The following LIX1 variants were observed in gnomAD, a reference collection of about 807,000 sequenced individuals.
LIX1 encodes the protein protein limb expression 1 homolog.
LIX1 carries 24 observed loss-of-function variants against 33.4 expected under a neutral mutation model. The ratio of observed to expected loss-of-function variants is 0.72; its 90% CI spans 0.52 to 1.01. The LOEUF is 1.01. Ranked by LOEUF, LIX1 falls within the 50% of genes least tolerant of loss-of-function variation. The probability of loss-of-function intolerance (pLI) is 0.00; values close to 1 mark genes in which losing one functional copy is unlikely to be tolerated. For synonymous variants in LIX1, 124 were observed against 124.0 expected (o/e 1.00, Z 0.00); for missense variants, 311 against 339.2 (o/e 0.92, Z 0.65).
intron 2 of LIX1, among the ~76,000 whole-genome samples, chr5:97,110,067 T>C: frequency 6.6e-6 from 1 of 152,252 alleles, no homozygotes; most frequent in East Asian, 1.9e-4. Flanking sequence ...GTCTTTTTCA[T>C]ATAATGACAT....
At chr5:97,107,586 C>T in intron 2 of LIX1, 86 bp from the exon 3 acceptor site, 1 of 1,376,486 alleles carries the variant, frequency 7.3e-7, no homozygotes, top group Non-Finnish European at 1.0e-6. Flanking sequence ...CTGGACATTT[C>T]TATTTATACA....
In LIX1 at chr5:97,092,508, A is replaced by G. The variant is rs1219050628; in HGVS notation, c.*2240T>C. 1 of 152,406 alleles carries G rather than the reference A, an allele frequency of 6.6e-6. No homozygotes were observed. The highest frequency in any genetic ancestry group is 2.4e-5 in the African/African-American group (1 of 41,468). The allele number at this position is 152,406 out of a possible 1,614,324, so 9.4% of individuals were successfully genotyped here. On this transcript the variant is annotated 3_prime_UTR_variant, in exon 6 of 6. Coordinates refer to ENST00000274382, the MANE Select transcript of LIX1 (RefSeq NM_153234.5). ...TCTCAGCTGAAATTGATTTACTATC[A>G]AATCAGCATTAAAGGGACCAGCAAA...
At chr5:97,101,078 A>AAGGTGAGGCAGGTGAGGC (rs60353690) in intron 4 of LIX1, among the ~76,000 whole-genome samples, 1 of 151,762 alleles carries the variant, frequency 6.6e-6, no homozygotes, top group Non-Finnish European at 1.5e-5. Flanking sequence ...TTAGCCTCAT[A>AAGGTGAGGCAGGTGAGGC]AGGTGAGGCA....
At chr5:97,112,879 T>C (rs1208827884) in intron 2 of LIX1, among the ~76,000 whole-genome samples, 4 of 151,736 alleles carry the variant, frequency 2.6e-5, no homozygotes. Flanking sequence ...GTTTGTAAGA[T>C]TCCCCAGTGA....
intron 2 of LIX1, among the ~76,000 whole-genome samples, chr5:97,118,841 C>G (rs543722009): frequency 6.6e-6 from 1 of 151,674 alleles, no homozygotes; most frequent in Non-Finnish European, 1.5e-5. Flanking sequence ...CTCTCTCTCT[C>G]TCTTTCATTC....
In LIX1 at chr5:97,093,932, T is replaced by G. The variant is rs146632328; in HGVS notation, c.*816A>C. 2.6e-4 allele frequency: 40 copies of G among 152,502 alleles called. 2 individuals are homozygous for G. The East Asian group carries it at 6.9e-3, about 26-fold the overall frequency. 9.4% of individuals were successfully genotyped at this position (152,502 alleles called of 1,614,324 possible). A position where few individuals can be genotyped will look rare whatever the true frequency, so the allele number is the denominator to read the frequency against. ...TGCCATTAATTTTTCTCTCTGTAGA[T>G]ATATGTTTGCAGTGGCAAAAAATAA... On this transcript the variant is annotated 3_prime_UTR_variant, in exon 6 of 6. Transcript: ENST00000274382.
intron 1 of LIX1, among the ~76,000 whole-genome samples, chr5:97,132,813 G>C (rs906455196): frequency 6.6e-6 from 1 of 152,152 alleles, no homozygotes; most frequent in Non-Finnish European, 1.5e-5. Context: ...TGAGCCCAAG[G>C]TAGAACATTT....
intron 2 of LIX1, among the ~76,000 whole-genome samples, chr5:97,108,096 G>A (rs1287180764): frequency 1.3e-5 from 2 of 152,208 alleles, no homozygotes; most frequent in Admixed American, 1.3e-4. Flanking sequence ...GGAAATACCT[G>A]GCACACAGTA....
intron 4 of LIX1, among the ~76,000 whole-genome samples, chr5:97,104,123 G>A (rs191523224): frequency 2.0e-5 from 3 of 152,238 alleles, no homozygotes; most frequent in Admixed American, 2.0e-4. Flanking sequence ...TGCCATTGGG[G>A]TCAGGAAAGG....
intron 3 of LIX1, 53 bp from the exon 4 acceptor site, chr5:97,105,338 T>C: frequency 6.9e-7 from 1 of 1,448,434 alleles, no homozygotes. Flanking sequence ...TCCTCTTCTT[T>C]GAATGGTCAC....
chr5:97,136,777 C>A (rs536633428), intron 1 of LIX1, among the ~76,000 whole-genome samples: 1 of 151,924 alleles, frequency 6.6e-6, no homozygotes, highest in East Asian at 1.9e-4. Flanking sequence ...TCAAACATTT[C>A]ATGGACACTA....
intron 2 of LIX1, among the ~76,000 whole-genome samples, chr5:97,123,088 C>A (rs1747823821): frequency 6.6e-6 from 1 of 152,124 alleles, no homozygotes; most frequent in Non-Finnish European, 1.5e-5. Context: ...TCTTTCTGGG[C>A]AATGGGCTTT....
chr5:97,116,230 A>G (rs1580233012), intron 2 of LIX1, among the ~76,000 whole-genome samples: 2 of 152,332 alleles, frequency 1.3e-5, no homozygotes, highest in East Asian at 1.9e-4. Context: ...TGACCGAAGC[A>G]TGAACATTTG....
chr5:97,124,530 G>C lies in LIX1; in HGVS notation c.182C>G (p.Ala61Gly). 1 of 1,612,608 alleles carries C rather than the reference G, an allele frequency of 6.2e-7. No homozygotes were observed. The highest frequency in any genetic ancestry group is 8.5e-7 in the Non-Finnish European group (1 of 1,179,122). Residue 61 changes from alanine (A) to glycine (G), a missense_variant, in exon 2 of 6, where the codon GCT (alanine) becomes GGT (glycine). Coordinates refer to ENST00000274382, the MANE Select transcript of LIX1 (RefSeq NM_153234.5). ...EGVVVYESLPAPGPPFVSYVT... is the reference protein window; with the variant it reads ...EGVVVYESLPGPGPPFVSYVT... ...GTAACTCACAAAGGGAGGCCCAGGAGCTGGCAGTGACTCATAGACCACCAC... is the reference window on the plus strand; with the variant it reads ...GTAACTCACAAAGGGAGGCCCAGGACCTGGCAGTGACTCATAGACCACCAC...
At chr5:97,096,378 C>A (rs542052466) in intron 5 of LIX1, among the ~76,000 whole-genome samples, 12 of 152,204 alleles carry the variant, frequency 7.9e-5, no homozygotes, top group African/African-American at 2.9e-4. Context: ...GGACTTTTGG[C>A]AGGAATGGGA....
chr5:97,113,587 T>A (rs898073669), intron 2 of LIX1, among the ~76,000 whole-genome samples: 1 of 152,162 alleles, frequency 6.6e-6, no homozygotes, highest in African/African-American at 2.4e-5. Context: ...CCTAAAGAGG[T>A]TATACATCCC....
rs1282772109 is a variant in LIX1, at chr5:97,094,038, A to G, written c.*710T>C. 4 of 152,360 alleles carry G rather than the reference A, an allele frequency of 2.6e-5. No individual in the cohort carries two copies. The allele number at this position is 152,360 out of a possible 1,614,324, so 9.4% of individuals were successfully genotyped here. A position where few individuals can be genotyped will look rare whatever the true frequency, so the allele number is the denominator to read the frequency against. Reference sequence around the variant, plus strand: ...CAAGACTCATAAACATTGGATATTAATTCTTGAGGAATAAGAGTGAGGCTA... The same window carrying G: ...CAAGACTCATAAACATTGGATATTAGTTCTTGAGGAATAAGAGTGAGGCTA... On this transcript the variant is annotated 3_prime_UTR_variant, in exon 6 of 6. Coordinates refer to ENST00000274382, the MANE Select transcript of LIX1 (RefSeq NM_153234.5).
At chr5:97,105,939 C>T (rs977064113) in intron 3 of LIX1, among the ~76,000 whole-genome samples, 8 of 152,134 alleles carry the variant, frequency 5.3e-5, no homozygotes, top group South Asian at 2.1e-4. Context: ...CCTATGGACG[C>T]GGATTCCCGG....
intron 4 of LIX1, among the ~76,000 whole-genome samples, chr5:97,100,952 GTCTTTT>G: frequency 6.6e-6 from 1 of 150,394 alleles, no homozygotes; most frequent in Admixed American, 6.6e-5. Context: ...AATTAGTGTT[GTCTTTT>G]CCTGTGAGGG....
Sources: gnomAD v4.1 joint callset for allele counts (sites outside exome capture counted in the v4.1 genomes callset) on GRCh38, gnomAD v4.1.1 for gene constraint, MANE v1.5 for transcripts, NCBI Gene and HGNC (gene_info 2026-07-23, HGNC 2026-07-21) for gene names.